CENPF: variants seen among roughly 807,000 people sequenced by gnomAD.
CENPF encodes the protein AH antigen.
CENPF carries 214 observed loss-of-function variants against 307.3 expected under a neutral mutation model. The ratio of observed to expected loss-of-function variants is 0.70; its 90% CI spans 0.62 to 0.78. CENPF has a LOEUF of 0.78. CENPF is among the 30% of genes least tolerant of loss of function. The pLI is 0.00. For synonymous variants in CENPF, 1,259 were observed against 1,270.6 expected (o/e 0.99, Z 0.19); for missense variants, 3,401 against 3,483.9 (o/e 0.98, Z 0.60).
chr1:214,648,797 G>A lies in CENPF; in HGVS notation c.7953G>A (p.Gln2651=). Residue 2651 remains glutamine (Q), a synonymous_variant, in exon 14 of 20, where the codon CAG becomes CAA. Transcript: ENST00000366955. ...AAAATAGGCTAGCTGGAGAGTTGCA[G>A]TTACTGTTGGAAGAAATAAAGAGCA... The part of the protein sequence containing the change: ...GEKNRLAGEL[Q]LLLEEIKSSK... 2 of 1,613,964 alleles carry A rather than the reference G, an allele frequency of 1.2e-6. No homozygotes were observed. The highest frequency in any genetic ancestry group is 1.7e-6 in the Non-Finnish European group (2 of 1,179,914).
chr1:214,642,857 T>C lies in CENPF; in HGVS notation c.4519T>C (p.Ser1507Pro), dbSNP rs191767198. Reference sequence around the variant, plus strand: ...TCTTTTAGAACAGACAGGAGATATGTCTCTTTTGAGTAATTTAGAAGGGGC... The same window carrying C: ...TCTTTTAGAACAGACAGGAGATATGCCTCTTTTGAGTAATTTAGAAGGGGC... ...RALLEQTGDM[S>P]LLSNLEGAVS... The change falls in exon 12 of 20, where the codon TCT (serine) becomes CCT (proline). Residue 1507 changes from serine (S) to proline (P), a missense_variant. Ser to Pro is a moderately conservative substitution (Grantham distance 74). Coordinates refer to ENST00000366955, the MANE Select transcript of CENPF (RefSeq NM_016343.4). The C allele has an allele frequency of 7.4e-6, 12 of 1,614,036 alleles. No homozygotes were observed. In the East Asian group the frequency reaches 2.5e-4, roughly 33 times the overall value.
intron 11 of CENPF, 144 bp downstream of exon 11, chr1:214,638,145 A>G: frequency 1.2e-6 from 1 of 860,542 alleles, no homozygotes; most frequent in Non-Finnish European, 1.7e-6. Flanking sequence ...GATGTGGAAG[A>G]GTTTTCCCTC....
intron 19 of CENPF, among the ~76,000 whole-genome samples, chr1:214,662,252 TA>T (rs1165865286): frequency 2.8e-3 from 394 of 141,948 alleles, no homozygotes; most frequent in Admixed American, 3.0e-3. Context: ...TATTTCTCTT[TA>T]AAAAAAAAAA....
Position 214,642,590 on chromosome 1 carries a change from C to T in CENPF, c.4252C>T (p.His1418Tyr). 6.2e-7 allele frequency: 1 copy of T among 1,608,546 alleles called. No homozygotes were observed. The highest frequency in any genetic ancestry group is 1.7e-5 in the Admixed American group (1 of 59,232). ...QEKFLSLQSEHKILHDQHCQM... is the reference protein window; with the variant it reads ...QEKFLSLQSEYKILHDQHCQM... ...GAAATTCTTATCTTTACAAAGTGAACACAAAATTTTACATGATCAGCACTG... is the reference window on the plus strand; with the variant it reads ...GAAATTCTTATCTTTACAAAGTGAATACAAAATTTTACATGATCAGCACTG... The change falls in exon 12 of 20, where the codon CAC becomes TAC. Residue 1418 changes from histidine to tyrosine, a missense_variant. Transcript: ENST00000366955.
Position 214,655,287 on chromosome 1 carries a change from G to A in CENPF, c.8369G>A (p.Arg2790His), listed in dbSNP as rs369765741. 37 of 1,606,250 alleles carry A rather than the reference G, an allele frequency of 2.3e-5. No homozygotes were observed. The highest frequency in any genetic ancestry group is 3.3e-4 in the Middle Eastern group (2 of 6,072). ...AATCAGTTGAAGAAGGAAAATGAACGTGCCCAGGGGAAAATGAAGTTGTTG... is the reference window on the plus strand; with the variant it reads ...AATCAGTTGAAGAAGGAAAATGAACATGCCCAGGGGAAAATGAAGTTGTTG... ...YVNQLKKENE[R>H]AQGKMKLLIK... Residue 2790 changes from arginine to histidine, a missense_variant, in exon 17 of 20, where the codon CGT (arginine) becomes CAT (histidine). Coordinates refer to ENST00000366955, the MANE Select transcript of CENPF (RefSeq NM_016343.4).
At chr1:214,650,633 G>T (rs1168718653) in intron 14 of CENPF, among the ~76,000 whole-genome samples, 6 of 152,202 alleles carry the variant, frequency 3.9e-5, no homozygotes, top group Non-Finnish European at 8.8e-5. Context: ...TGGATATAGT[G>T]GCTCATGCCT....
At chr1:214,656,009 A>T (rs1445786199) in intron 17 of CENPF, among the ~76,000 whole-genome samples, 2 of 152,170 alleles carry the variant, frequency 1.3e-5, no homozygotes, top group Admixed American at 1.3e-4. Context: ...GTCGATGTCC[A>T]GTTACGTGGT....
chr1:214,662,580 G>A (rs564683601), intron 19 of CENPF, among the ~76,000 whole-genome samples: 1 of 152,116 alleles, frequency 6.6e-6, no homozygotes, highest in Non-Finnish European at 1.5e-5. Context: ...TGTCTGTCAC[G>A]TAGTTACTTC....
At chr1:214,614,108 CT>C (rs370473275) in intron 2 of CENPF, among the ~76,000 whole-genome samples, 192 bp downstream of exon 2, 113 of 122,982 alleles carry the variant, frequency 9.2e-4, no homozygotes, top group South Asian at 2.1e-3. Context: ...CAATCCCCTT[CT>C]TTTTTTTTTT....
rs1300956721 is a variant in CENPF at position 214,655,243 on chromosome 1, G to A, written c.8325G>A (p.Met2775Ile). The A allele has an allele frequency of 6.4e-7, 1 of 1,569,152 alleles. No homozygotes were observed. Residue 2775 changes from methionine (M) to isoleucine (I), a missense_variant and splice_region_variant, in exon 17 of 20, where the codon ATG becomes ATA. Transcript: ENST00000366955. Reference sequence around the variant, plus strand: ...ATGGAATTACTTTTATTTTGTAGATGGACAATCTAAAATATGTAAATCAGT... The same window carrying A: ...ATGGAATTACTTTTATTTTGTAGATAGACAATCTAAAATATGTAAATCAGT... ...QILEELKKTK[M>I]DNLKYVNQLK...
At chr1:214,618,482 A>G in intron 3 of CENPF, 91 bp from the exon 4 acceptor site, 1 of 1,429,676 alleles carries the variant, frequency 7.0e-7, no homozygotes, top group Non-Finnish European at 9.5e-7. Flanking sequence ...GTTTCTTTGT[A>G]AGTTTATTAC....
chr1:214,639,762 A>G (rs1319755807), intron 11 of CENPF, among the ~76,000 whole-genome samples, 159 bp from the exon 12 acceptor site: 1 of 138,362 alleles, frequency 7.2e-6, no homozygotes, highest in Non-Finnish European at 1.5e-5. Flanking sequence ...CAAGTGATCC[A>G]CTTTCTAGGA....
chr1:214,640,351 CAG>C lies in CENPF; in HGVS notation c.2017_2018del (p.Glu673LysfsTer16). The C allele has an allele frequency of 6.2e-7, 1 of 1,613,842 alleles. No homozygotes were observed. The highest frequency in any genetic ancestry group is 8.5e-7 in the Non-Finnish European group (1 of 1,179,978). ...AGAGAGTAAGAACGCTGGAGATGGACAGAGAAAACCTAAGTGTCGAGATCAGA... is the reference window on the plus strand; with the variant it reads ...AGAGAGTAAGAACGCTGGAGATGGACAGAAAACCTAAGTGTCGAGATCAGA... ...NERVRTLEMD[R>X]ENLSVEIRNL... On this transcript the variant is annotated frameshift_variant, in exon 12 of 20. Transcript: ENST00000366955. LOFTEE classifies it high-confidence loss of function.
At chr1:214,635,984 TA>T (rs1048905415) in intron 10 of CENPF, among the ~76,000 whole-genome samples, 1 of 152,144 alleles carries the variant, frequency 6.6e-6, no homozygotes, top group Admixed American at 6.5e-5. Context: ...TTGATTTGAT[TA>T]AAAAATTTTT....
Position 214,622,556 on chromosome 1 carries a change from T to C in CENPF, c.1068+275T>C, listed in dbSNP as rs17023282. Among the ~76,000 whole-genome samples, 15,842 of 152,162 alleles carry C rather than the reference T, an allele frequency of 0.1. 1,180 individuals carry two copies. The highest frequency in any genetic ancestry group is 0.2 in the African/African-American group (8,342 of 41,458). ...ATAGAGAATAAAGAAAATGTATATA[T>C]AGCATCTAGCATGATGTGTGCCACA... is the stretch of plus-strand genomic sequence containing the variant. On this transcript the variant is annotated intron_variant, in intron 7 of 19. Transcript: ENST00000366955.
intron 3 of CENPF, among the ~76,000 whole-genome samples, chr1:214,615,989 A>G (rs1266217357): frequency 1.3e-5 from 2 of 152,110 alleles, no homozygotes; most frequent in Non-Finnish European, 2.9e-5. Context: ...TTACACTGCT[A>G]ACTTCCAAAT....
chr1:214,620,146 G>C (rs572171407), intron 5 of CENPF, among the ~76,000 whole-genome samples: 1 of 152,320 alleles, frequency 6.6e-6, no homozygotes, highest in African/African-American at 2.4e-5. Flanking sequence ...ACAATGCAAA[G>C]CGGTAGATCA....
rs1450927420 is a variant in CENPF, at chr1:214,640,102, A to G, written c.1764A>G (p.Leu588=). Residue 588 remains leucine, a synonymous_variant, in exon 12 of 20, where the codon TTA becomes TTG. Transcript: ENST00000366955. The stretch of plus-strand genomic sequence containing the variant: ...ACATTGAACAACTTAATGATAAGTT[A>G]AGCAAGACAGAGAAAGAGTCCAAAG... The part of the protein sequence containing the change: ...EHHIEQLNDK[L]SKTEKESKAL... 5.0e-6 allele frequency: 8 copies of G among 1,589,438 alleles called. No homozygotes were observed. The highest frequency in any genetic ancestry group is 6.8e-6 in the Non-Finnish European group (8 of 1,173,882).
chr1:214,633,205 C>G (rs1657857038), intron 10 of CENPF, among the ~76,000 whole-genome samples: 1 of 152,186 alleles, frequency 6.6e-6, no homozygotes, highest in Non-Finnish European at 1.5e-5. Context: ...TTGACGGTGT[C>G]TTTGGAGACT....
Sources: allele counts gnomAD v4.1 joint callset (sites outside exome capture counted in the v4.1 genomes callset), GRCh38; gene constraint gnomAD v4.1.1; transcripts MANE v1.5; gene names NCBI Gene and HGNC (gene_info 2026-07-23, HGNC 2026-07-21).